PIK3CA: variants seen among roughly 807,000 people sequenced by gnomAD.
PIK3CA encodes phosphatidylinositol-4,5-bisphosphate 3-kinase catalytic subunit alpha, also known as phosphatidylinositol 4,5-bisphosphate 3-kinase catalytic subunit alpha isoform.
A neutral mutation model predicts 138.2 loss-of-function variants in PIK3CA; 27 were observed. The ratio of observed to expected loss-of-function variants is 0.20; its 90% CI spans 0.14 to 0.27. The LOEUF is 0.27. Ranked by LOEUF, PIK3CA falls within the 10% of genes least tolerant of loss-of-function variation. The pLI, the probability that PIK3CA is intolerant of heterozygous loss-of-function variation, is 1.00. For synonymous variants in PIK3CA, 358 were observed against 413.2 expected, an observed-to-expected ratio of 0.87 and a Z score of 1.62; for missense variants, 544 against 1,277.4, an observed-to-expected ratio of 0.43 and a Z score of 8.75.
chr3:179,165,245 A>G (rs1052428034), intron 1 of PIK3CA, among the ~76,000 whole-genome samples: 1 of 152,216 alleles, frequency 6.6e-6, no homozygotes, highest in Admixed American at 6.5e-5. Flanking sequence ...TGATCTGCTT[A>G]AAGCTTAGTA....
intron 9 of PIK3CA, among the ~76,000 whole-genome samples, chr3:179,216,675 CAAT>C (rs1454191825): frequency 6.6e-6 from 1 of 151,996 alleles, no homozygotes; most frequent in Non-Finnish European, 1.5e-5. Flanking sequence ...TCTAGTTTGA[CAAT>C]GATATATTTA....
intron 1 of PIK3CA, among the ~76,000 whole-genome samples, chr3:179,148,861 T>TCTA: frequency 6.6e-6 from 1 of 152,154 alleles, no homozygotes; most frequent in East Asian, 2.0e-4. Flanking sequence ...TTCCTTTGCT[T>TCTA]CTACTCCCAG....
intron 6 of PIK3CA, among the ~76,000 whole-genome samples, chr3:179,208,793 T>C (rs1222788851): frequency 2.0e-5 from 3 of 151,748 alleles, no homozygotes; most frequent in Non-Finnish European, 4.4e-5. Flanking sequence ...TTACCTTTTA[T>C]AAAATAATTA....
intron 1 of PIK3CA, among the ~76,000 whole-genome samples, chr3:179,188,893 T>C (rs1357467187): frequency 6.6e-6 from 1 of 152,186 alleles, no homozygotes; most frequent in Non-Finnish European, 1.5e-5. Context: ...AATTTGTCCT[T>C]TTGCATGCTG....
chr3:179,187,605 T>C (rs991155195), intron 1 of PIK3CA, among the ~76,000 whole-genome samples: 4 of 151,406 alleles, frequency 2.6e-5, no homozygotes, highest in African/African-American at 9.7e-5. Flanking sequence ...AGCACTATGC[T>C]GAGAACTTTA....
rs1483574293 is a variant in PIK3CA at position 179,201,450 on chromosome 3, C to G, written c.723C>G (p.Leu241=). ...TGCTATCCTCTGAACAACTAAAACTCTGTGTTTTAGAATATCAGGGCAAGT... is the reference window on the plus strand; with the variant it reads ...TGCTATCCTCTGAACAACTAAAACTGTGTGTTTTAGAATATCAGGGCAAGT... ...SMLLSSEQLK[L]CVLEYQGKYI... Residue 241 remains leucine (L), a synonymous_variant, in exon 4 of 21, where the codon CTC becomes CTG. Transcript: ENST00000263967. 1 of 1,613,636 alleles carries G rather than the reference C, an allele frequency of 6.2e-7. No individual in the cohort carries two copies. The highest frequency in any genetic ancestry group is 2.2e-5 in the East Asian group (1 of 44,816).
chr3:179,197,846 A>G (rs1258228739), intron 1 of PIK3CA, among the ~76,000 whole-genome samples: 2 of 152,334 alleles, frequency 1.3e-5, no homozygotes, highest in South Asian at 2.1e-4. Flanking sequence ...TTTTGATAAC[A>G]TCTTCTAAAA....
rs1725314980 is a variant in PIK3CA, at chr3:179,235,432, T to A, written c.*1068T>A. On this transcript the variant is annotated 3_prime_UTR_variant, in exon 21 of 21. Transcript: ENST00000263967. Reference sequence around the variant, plus strand: ...ATAGCAGCATGGTCAGCTTTCTTCTTGATCTATAGATGAGGCTCAGGCACT... The same window carrying A: ...ATAGCAGCATGGTCAGCTTTCTTCTAGATCTATAGATGAGGCTCAGGCACT... 2 of 187,916 alleles carry A rather than the reference T, an allele frequency of 1.1e-5. No individual in the cohort carries two copies. Among genetic ancestry groups the A allele is most frequent in the Non-Finnish European group, 2.2e-5 (2 of 89,176 alleles). 11.6% of individuals were successfully genotyped at this position (187,916 alleles called of 1,614,324 possible).
chr3:179,185,965 C>CTTG (rs368081796), intron 1 of PIK3CA, among the ~76,000 whole-genome samples: 39 of 152,308 alleles, frequency 2.6e-4, no homozygotes, highest in African/African-American at 9.4e-4. Context: ...TGGTGATCAG[C>CTTG]TTAACCTTCA....
chr3:179,232,669 T>C (rs568095801), intron 20 of PIK3CA, among the ~76,000 whole-genome samples: 70 of 152,218 alleles, frequency 4.6e-4, no homozygotes, highest in African/African-American at 1.7e-3. Context: ...TTTTGTAGTT[T>C]TCCTTGAAAA....
chr3:179,196,596 G>C (rs1724270887), intron 1 of PIK3CA, among the ~76,000 whole-genome samples: 1 of 152,100 alleles, frequency 6.6e-6, no homozygotes, highest in Non-Finnish European at 1.5e-5. Context: ...ATTGTTTCCT[G>C]TTAATTTCTG....
upstream of PIK3CA, chr3:179,148,170 AG>A (rs145529934): frequency 5.8e-4 from 65 of 112,330 alleles, 1 homozygote; most frequent in East Asian, 3.2e-3. Context: ...CTGCCGGAGG[AG>A]GGGGGGGGCC....
At chr3:179,233,264 T>C in intron 20 of PIK3CA, 1 of 398,150 alleles carries the variant, frequency 2.5e-6, no homozygotes, top group Non-Finnish European at 4.4e-6. Context: ...TGGATGCCAA[T>C]GTGGGCTTCC....
intron 1 of PIK3CA, among the ~76,000 whole-genome samples, chr3:179,191,905 T>G (rs1349785211): frequency 6.6e-6 from 1 of 152,220 alleles, no homozygotes; most frequent in Non-Finnish European, 1.5e-5. Context: ...CCCAAAGTGC[T>G]AGGATTACAG....
At chr3:179,154,676 CAT>C (rs1485085027) in intron 1 of PIK3CA, among the ~76,000 whole-genome samples, 3 of 152,224 alleles carry the variant, frequency 2.0e-5, no homozygotes, top group Non-Finnish European at 4.4e-5. Flanking sequence ...TGCTAAGTAA[CAT>C]AATGAGATAA....
At chr3:179,172,907 G>T (rs923493081) in intron 1 of PIK3CA, among the ~76,000 whole-genome samples, 5 of 152,076 alleles carry the variant, frequency 3.3e-5, no homozygotes, top group Non-Finnish European at 7.4e-5. Context: ...TACCTGATTT[G>T]TACTTGCTAT....
chr3:179,237,275 T>A lies in PIK3CA; in HGVS notation c.*2911T>A, dbSNP rs1026742854. ...ATGGAATTTGGTTGCTATTTTACAA[T>A]AGAACCTAAGCTTTTTGTGGTTCTT... is the stretch of plus-strand genomic sequence containing the variant. On this transcript the variant is annotated 3_prime_UTR_variant, in exon 21 of 21. Transcript: ENST00000263967. 8 of 194,720 alleles carry A rather than the reference T, an allele frequency of 4.1e-5. No individual in the cohort carries two copies. Among genetic ancestry groups the A allele is most frequent in the Non-Finnish European group, 7.5e-5 (7 of 93,624 alleles). The allele number at this position is 194,720 out of a possible 1,614,324, so 12.1% of individuals were successfully genotyped here.
rs557949672 is a variant in PIK3CA at position 179,210,502 on chromosome 3, T to G, written c.1476T>G (p.Ile492Met). ...TAAAGTTCCCAGATATGTCAGTGAT[T>G]GAAGAGCATGCCAATTGGTCTGTAT... is the stretch of plus-strand genomic sequence containing the variant. ...SVVKFPDMSV[I>M]EEHANWSVSR... The change falls in exon 9 of 21, where the codon ATT (isoleucine) becomes ATG (methionine). Residue 492 changes from isoleucine to methionine, a missense_variant. This residue lies in a region of PIK3CA where 52 missense variants were observed against 83.4 expected (regional missense o/e 0.62). Transcript: ENST00000263967. 1.9e-6 allele frequency: 3 copies of G among 1,614,062 alleles called. No homozygotes were observed. In the Admixed American group the frequency reaches 5.0e-5, roughly 27 times the overall value.
chr3:179,159,463 T>G (rs1723221922), intron 1 of PIK3CA, among the ~76,000 whole-genome samples: 2 of 152,178 alleles, frequency 1.3e-5, no homozygotes, highest in Non-Finnish European at 2.9e-5. Flanking sequence ...AACCCAAACT[T>G]TAATATAAAC....
Sources: gnomAD v4.1 joint callset for allele counts (sites outside exome capture counted in the v4.1 genomes callset) on GRCh38, gnomAD v4.1.1 for gene constraint, gnomAD v4.1.1 regional missense constraint, MANE v1.5 for transcripts, NCBI Gene and HGNC (gene_info 2026-07-23, HGNC 2026-07-21) for gene names.